MED13: variants seen among roughly 807,000 people sequenced by gnomAD.
MED13 encodes the protein mediator of RNA polymerase II transcription subunit 13.
Under a neutral mutation model 225.2 loss-of-function variants are expected in MED13, and 23 were observed. The ratio of observed to expected loss-of-function variants is 0.10; its 90% confidence interval spans 0.07 to 0.14. MED13 has a LOEUF of 0.14. Among genes scored for constraint, MED13 ranks in the 10% least tolerant of loss-of-function variants. The probability of loss-of-function intolerance (pLI) is 1.00; values close to 1 mark genes in which losing one functional copy is unlikely to be tolerated. For missense variants in MED13, 2,197 were observed against 2,594.5 expected (o/e 0.85, Z 3.33); for synonymous variants, 942 against 889.2 (o/e 1.06, Z -1.06).
chr17:61,983,081 A>G lies in MED13; in HGVS notation c.2922T>C (p.Thr974=). The G allele has an allele frequency of 6.2e-7, 1 of 1,612,444 alleles. No individual in the cohort carries two copies. Among genetic ancestry groups the G allele is most frequent in the African/African-American group, 1.3e-5 (1 of 75,002 alleles). The part of the protein sequence containing the change: ...DGSNMDQEYG[T]AYTPQTHTSF... ...AAGTATGAGTTTGAGGTGTATAAGC[A>G]GTGCCATATTCTTGATCCATATTAC... The change falls in exon 16 of 30, where the codon ACT becomes ACC. Residue 974 remains threonine (T), a synonymous_variant. Coordinates refer to ENST00000397786, the MANE Select transcript of MED13 (RefSeq NM_005121.3).
chr17:61,978,142 A>G (rs1603395847), intron 16 of MED13, among the ~76,000 whole-genome samples: 1 of 151,088 alleles, frequency 6.6e-6, no homozygotes, highest in East Asian at 1.9e-4. Flanking sequence ...ACTATGTGCC[A>G]AAAACTGCCT....
At chr17:62,023,483 G>A (rs1361962557) in intron 8 of MED13, among the ~76,000 whole-genome samples, 1 of 152,218 alleles carries the variant, frequency 6.6e-6, no homozygotes, top group Non-Finnish European at 1.5e-5. Context: ...CTGGGACCAT[G>A]AGGAAGGGGC....
Position 61,945,914 on chromosome 17 carries a change from T to C in MED13, c.*554A>G, listed in dbSNP as rs1284069961. On this transcript the variant is annotated 3_prime_UTR_variant, in exon 30 of 30. Transcript: ENST00000397786. Reference sequence around the variant, plus strand: ...TTTTTAATTAAGACGATTACATATATTTTAGACCAATTGCTTTAAAGCAAG... The same window carrying C: ...TTTTTAATTAAGACGATTACATATACTTTAGACCAATTGCTTTAAAGCAAG... The C allele has an allele frequency of 1.3e-5, 2 of 152,620 alleles. No individual in the cohort carries two copies. Among genetic ancestry groups the C allele is most frequent in the East Asian group, 3.8e-4 (2 of 5,204 alleles). The allele number at this position is 152,620 out of a possible 1,614,324, so 9.5% of individuals were successfully genotyped here.
chr17:61,998,145 A>C (rs1282396357), intron 9 of MED13, among the ~76,000 whole-genome samples: 1 of 152,160 alleles, frequency 6.6e-6, no homozygotes, highest in Non-Finnish European at 1.5e-5. Context: ...AGATAAAAAA[A>C]CTCTAATTAC....
chr17:62,003,082 A>G (rs2080411181), intron 9 of MED13, among the ~76,000 whole-genome samples: 1 of 152,160 alleles, frequency 6.6e-6, no homozygotes, highest in Non-Finnish European at 1.5e-5. Flanking sequence ...GGGATATAAA[A>G]TTGCCCCAGT....
chr17:61,986,696 T>C (rs1053006692), intron 12 of MED13, among the ~76,000 whole-genome samples: 1 of 152,126 alleles, frequency 6.6e-6, no homozygotes, highest in Non-Finnish European at 1.5e-5. Flanking sequence ...CAGAATCAAA[T>C]AGGAAAATAA....
chr17:61,954,423 C>T (rs2079923859), intron 26 of MED13, among the ~76,000 whole-genome samples: 1 of 152,094 alleles, frequency 6.6e-6, no homozygotes, highest in Non-Finnish European at 1.5e-5. Flanking sequence ...TGTACAGGTA[C>T]CTCAAAAGCA....
At chr17:62,051,366 T>C (rs1367774776) in intron 3 of MED13, among the ~76,000 whole-genome samples, 1 of 152,190 alleles carries the variant, frequency 6.6e-6, no homozygotes, top group Non-Finnish European at 1.5e-5. Context: ...CTGGGGAACT[T>C]TGAATCCTTG....
At chr17:62,016,949 G>A (rs1472145518) in intron 8 of MED13, among the ~76,000 whole-genome samples, 2 of 151,946 alleles carry the variant, frequency 1.3e-5, no homozygotes, top group Middle Eastern at 3.4e-3. Context: ...GGTGGAGGTT[G>A]CAAGTGAGCC....
intron 8 of MED13, among the ~76,000 whole-genome samples, chr17:62,015,915 CATATATATATATATATAT>C (rs1198126410): frequency 3.7e-3 from 32 of 8,608 alleles, no homozygotes; most frequent in Admixed American, 6.1e-3. Flanking sequence ...ACACTATACA[CATATATATATATATATAT>C]ATATATATAT....
At chr17:62,011,939 G>A (rs1488930185) in intron 8 of MED13, among the ~76,000 whole-genome samples, 1 of 152,138 alleles carries the variant, frequency 6.6e-6, no homozygotes, top group Non-Finnish European at 1.5e-5. Context: ...TTTCTAGGCT[G>A]GGCATGGTGG....
chr17:62,051,603 C>T (rs2080957267), intron 3 of MED13, among the ~76,000 whole-genome samples: 1 of 151,984 alleles, frequency 6.6e-6, no homozygotes. Flanking sequence ...CTTATCTACT[C>T]ATCCAGTCTT....
chr17:61,963,449 T>A (rs1221288956), intron 20 of MED13, among the ~76,000 whole-genome samples: 2 of 151,770 alleles, frequency 1.3e-5, no homozygotes, highest in Admixed American at 6.6e-5. Context: ...ATTTTCAGAC[T>A]CTCTCTCTCT....
chr17:61,990,627 G>GTATA (rs5821345), intron 11 of MED13, among the ~76,000 whole-genome samples: 16,524 of 138,774 alleles, frequency 0.12, 1,024 homozygotes, highest in Non-Finnish European at 0.15. Flanking sequence ...GGCGCACTGT[G>GTATA]TATATATATA....
intron 8 of MED13, among the ~76,000 whole-genome samples, chr17:62,019,145 T>A (rs1188099686): frequency 6.6e-6 from 1 of 152,244 alleles, no homozygotes; most frequent in Non-Finnish European, 1.5e-5. Flanking sequence ...GGCTGGATTT[T>A]CTTCATATAC....
chr17:61,984,627 T>C (rs1603397248), intron 14 of MED13, 24 bp downstream of exon 14: 4 of 1,555,580 alleles, frequency 2.6e-6, no homozygotes, highest in Non-Finnish European at 3.5e-6. Context: ...AAGTGAATTA[T>C]TTTTCTAGAA....
At chr17:62,046,234 T>C (rs1165567165) in intron 3 of MED13, among the ~76,000 whole-genome samples, 2 of 152,200 alleles carry the variant, frequency 1.3e-5, no homozygotes, top group Non-Finnish European at 2.9e-5. Context: ...AACTTAAAGA[T>C]AGACTTAGCT....
chr17:62,052,139 T>G (rs1432014503), intron 3 of MED13, among the ~76,000 whole-genome samples: 3 of 152,168 alleles, frequency 2.0e-5, no homozygotes, highest in Admixed American at 2.0e-4. Context: ...GTTAACTTGA[T>G]CCAAAACATA....
In MED13 at chr17:61,984,750, A is replaced by T; in HGVS notation, c.2592T>A (p.Pro864=). The T allele has an allele frequency of 3.7e-6, 6 of 1,613,906 alleles. No homozygotes were observed. The highest frequency in any genetic ancestry group is 5.1e-6 in the Non-Finnish European group (6 of 1,179,824). ...NKEYGSMDTT[P]GGTVLEGNSS... ...TATTTCCTTCTAGAACAGTTCCTCC[A>T]GGTGTTGTATCCATACTACCATATT... is the stretch of plus-strand genomic sequence containing the variant. Residue 864 remains proline (P), a synonymous_variant, in exon 14 of 30, where the codon CCT becomes CCA. Coordinates refer to ENST00000397786, the MANE Select transcript of MED13 (RefSeq NM_005121.3).
Sources: allele counts gnomAD v4.1 joint callset (sites outside exome capture counted in the v4.1 genomes callset), GRCh38; gene constraint gnomAD v4.1.1; transcripts MANE v1.5; gene names NCBI Gene and HGNC (gene_info 2026-07-23, HGNC 2026-07-21).